Variants in ARAP2 observed in about 807,000 individuals in gnomAD.
ARAP2 encodes the protein arf-GAP with Rho-GAP domain, ANK repeat and PH domain-containing protein 2.
Under a neutral mutation model 194.5 loss-of-function variants are expected in ARAP2, and 148 were observed. The ratio of observed to expected loss-of-function variants is 0.76; its 90% confidence interval spans 0.67 to 0.87. ARAP2 has a LOEUF of 0.87. Ranked by LOEUF, ARAP2 falls within the 40% of genes least tolerant of loss-of-function variation. The pLI is 0.00. For missense variants in ARAP2, 2,128 were observed against 1,989.7 expected, an observed-to-expected ratio of 1.07 and a Z score of -1.32; for synonymous variants, 695 against 683.5, an observed-to-expected ratio of 1.02 and a Z score of -0.26.
At chr4:36,012,956 C>G (rs1714820303) in intron 8 of ARAP2, 1 of 152,112 alleles carries the variant, frequency 6.6e-6, no homozygotes, top group African/African-American at 2.4e-5. Context: ...AAAATATATA[C>G]AAATAAAATT....
chr4:36,052,929 A>G (rs1328792339), intron 2 of ARAP2, among the ~76,000 whole-genome samples: 2 of 152,144 alleles, frequency 1.3e-5, no homozygotes, highest in Non-Finnish European at 2.9e-5. Flanking sequence ...AGATAGCACC[A>G]TGAATTCATC....
intron 2 of ARAP2, among the ~76,000 whole-genome samples, chr4:36,223,374 C>T (rs988560438): frequency 6.6e-6 from 1 of 151,788 alleles, no homozygotes; most frequent in South Asian, 2.1e-4. Flanking sequence ...TTTTTAAAAC[C>T]CTAAATCAGT....
rs914177675 is a variant in ARAP2 at position 36,067,551 on chromosome 4, C to T, written c.*356G>A. The T allele has an allele frequency of 1.9e-5, 3 of 162,030 alleles. No homozygotes were observed. The highest frequency in any genetic ancestry group is 7.2e-5 in the African/African-American group (3 of 41,858). The allele number at this position is 162,030 out of a possible 1,614,324, so 10.0% of individuals were successfully genotyped here. ...ATGTTACAGATAGTTTCTTAGGCTTCATTTAAACACAGCATTTTATACAAT... is the reference window on the plus strand; with the variant it reads ...ATGTTACAGATAGTTTCTTAGGCTTTATTTAAACACAGCATTTTATACAAT... On this transcript the variant is annotated 3_prime_UTR_variant, in exon 33 of 33. Transcript: ENST00000303965.
intron 27 of ARAP2, among the ~76,000 whole-genome samples, chr4:36,096,772 T>C (rs1242219741): frequency 6.6e-6 from 1 of 152,162 alleles, no homozygotes; most frequent in Non-Finnish European, 1.5e-5. Flanking sequence ...AATGTCTTAA[T>C]ATTCAATTCC....
At chr4:36,177,184 C>T (rs1348434413) in intron 9 of ARAP2, among the ~76,000 whole-genome samples, 4 of 152,054 alleles carry the variant, frequency 2.6e-5, no homozygotes, top group Non-Finnish European at 4.4e-5. Flanking sequence ...TCAGACTCAT[C>T]AAAACATTTA....
At chr4:36,021,587 C>T (rs1054667196) in intron 5 of ARAP2, among the ~76,000 whole-genome samples, 7 of 152,284 alleles carry the variant, frequency 4.6e-5, no homozygotes, top group African/African-American at 1.7e-4. Context: ...TTGTAAGCTT[C>T]CAGAGGGCTC....
rs1259201629 is a variant in ARAP2, at chr4:36,147,691, C to T, written c.3056G>A (p.Gly1019Asp). 1 of 1,612,818 alleles carries T rather than the reference C, an allele frequency of 6.2e-7. No individual in the cohort carries two copies. The highest frequency in any genetic ancestry group is 1.1e-5 in the South Asian group (1 of 90,832). The change falls in exon 18 of 33, where the codon GGT becomes GAT. Residue 1019 changes from glycine (G) to aspartate (D), a missense_variant. Gly to Asp is a moderately conservative substitution (Grantham distance 94). Coordinates refer to ENST00000303965, the MANE Select transcript of ARAP2 (RefSeq NM_015230.4). Reference protein sequence around the residue: ...NLTEADYDLIGQLFYKDCHAL... With the variant: ...NLTEADYDLIDQLFYKDCHAL... ...ATGGCAGTCTTTGTAGAAGAGTTGA[C>T]CAATCAAATCATAGTCAGCTTCTGT...
At chr4:36,139,614 G>A (rs1395557193) in intron 19 of ARAP2, among the ~76,000 whole-genome samples, 1 of 151,502 alleles carries the variant, frequency 6.6e-6, no homozygotes, top group Non-Finnish European at 1.5e-5. Flanking sequence ...TAAAAGTTTA[G>A]AGGATGGATT....
chr4:36,072,311 A>C (rs1727174886), intron 32 of ARAP2, among the ~76,000 whole-genome samples: 1 of 152,154 alleles, frequency 6.6e-6, no homozygotes, highest in Admixed American at 6.6e-5. Flanking sequence ...AAAAGCTTGT[A>C]AACACTTTAT....
Position 36,210,981 on chromosome 4 carries a change from T to G in ARAP2, c.1134-238A>C, listed in dbSNP as rs577883165. On this transcript the variant is annotated intron_variant, in intron 5 of 32. Transcript: ENST00000303965. Reference sequence around the variant, plus strand: ...GTTTTTTCTTAGGTATAATTTAATCTTATCCCTTTTATTTTGGAAGGTTAG... The same window carrying G: ...GTTTTTTCTTAGGTATAATTTAATCGTATCCCTTTTATTTTGGAAGGTTAG... Among the ~76,000 whole-genome samples, 12 of 152,300 alleles carry G rather than the reference T, an allele frequency of 7.9e-5. No homozygotes were observed. The East Asian group carries it at 1.9e-3, about 24-fold the overall frequency.
intron 5 of ARAP2, among the ~76,000 whole-genome samples, chr4:36,041,061 G>A (rs1465747660): frequency 6.6e-6 from 1 of 151,878 alleles, no homozygotes; most frequent in Non-Finnish European, 1.5e-5. Flanking sequence ...TGAATTTTAT[G>A]GAAAGCCTGC....
At chr4:36,014,440 G>A (rs996555329) in intron 8 of ARAP2, among the ~76,000 whole-genome samples, 13 of 152,004 alleles carry the variant, frequency 8.6e-5, no homozygotes, top group Non-Finnish European at 5.9e-5. Context: ...TATTCATAGT[G>A]CCACAAAACA....
chr4:36,225,455 C>T (rs1029812879), intron 2 of ARAP2, among the ~76,000 whole-genome samples: 5 of 151,914 alleles, frequency 3.3e-5, no homozygotes. Context: ...TGGAGGGCTC[C>T]CAGGGACTAG....
At chr4:36,159,234 G>T in intron 14 of ARAP2, 97 bp downstream of exon 14, 1 of 1,258,278 alleles carries the variant, frequency 7.9e-7, no homozygotes, top group Non-Finnish European at 1.0e-6. Flanking sequence ...TCTTCATTCT[G>T]ATGGTTTCTC....
intron 5 of ARAP2, among the ~76,000 whole-genome samples, chr4:36,036,305 G>C (rs1360932702): frequency 6.6e-6 from 1 of 152,008 alleles, no homozygotes; most frequent in Non-Finnish European, 1.5e-5. Flanking sequence ...CTAATCCATG[G>C]ACGTGGCATA....
intron 32 of ARAP2, among the ~76,000 whole-genome samples, chr4:36,068,931 C>T (rs1011812177): frequency 2.6e-5 from 4 of 152,172 alleles, no homozygotes; most frequent in African/African-American, 4.8e-5. Context: ...CATACCACTT[C>T]GAAGGTGTCT....
At chr4:36,193,215 G>T (rs960036012) in intron 7 of ARAP2, among the ~76,000 whole-genome samples, 2 of 152,114 alleles carry the variant, frequency 1.3e-5, no homozygotes, top group African/African-American at 4.8e-5. Flanking sequence ...ATATTCTTCT[G>T]TCCTGCAGCA....
intron 30 of ARAP2, 42 bp from the exon 31 acceptor site, chr4:36,080,321 A>G: frequency 1.3e-6 from 2 of 1,520,686 alleles, no homozygotes; most frequent in Non-Finnish European, 1.8e-6. Context: ...CAAAAAGACA[A>G]TTGACTGTTC....
At chr4:36,036,087 C>T (rs112594479) in intron 5 of ARAP2, among the ~76,000 whole-genome samples, 5 of 152,010 alleles carry the variant, frequency 3.3e-5, no homozygotes, top group Non-Finnish European at 7.4e-5. Flanking sequence ...GTTTGCTTCT[C>T]CTTAAAATTA....
Sources: gnomAD v4.1 joint callset for allele counts (sites outside exome capture counted in the v4.1 genomes callset) on GRCh38, gnomAD v4.1.1 for gene constraint, MANE v1.5 for transcripts, NCBI Gene and HGNC (gene_info 2026-07-23, HGNC 2026-07-21) for gene names.